The following HS1BP3 variants were observed in gnomAD, a reference collection of about 807,000 sequenced individuals.
HS1BP3 encodes HCLS1-binding protein 3.
Under a neutral mutation model 33.5 loss-of-function variants are expected in HS1BP3, and 32 were observed. The observed-to-expected ratio is 0.95, with a 90% confidence interval of 0.72 to 1.28. The LOEUF is 1.28. Ranked by LOEUF, HS1BP3 falls within the 50% of genes most tolerant of loss-of-function variation. The probability of loss-of-function intolerance (pLI) is 0.00; values close to 1 mark genes in which losing one functional copy is unlikely to be tolerated. For synonymous variants in HS1BP3, 187 were observed against 209.2 expected (o/e 0.89, Z 0.92); for missense variants, 486 against 502.3 (o/e 0.97, Z 0.31).
intron 2 of HS1BP3, among the ~76,000 whole-genome samples, chr2:20,612,444 G>C (rs6719474): frequency 0.18 from 28,137 of 152,104 alleles, 2,807 homozygotes; most frequent in Middle Eastern, 0.22. Context: ...TATCACCCTG[G>C]GAAAGATTCT....
At chr2:20,572,622 T>C (rs908853747) in intron 5 of HS1BP3, among the ~76,000 whole-genome samples, 1 of 152,140 alleles carries the variant, frequency 6.6e-6, no homozygotes, top group African/African-American at 2.4e-5. Flanking sequence ...AGAATTATTA[T>C]AAGGATTAAG....
downstream of HS1BP3, among the ~76,000 whole-genome samples, chr2:20,615,876 C>T (rs1052486336): frequency 3.3e-5 from 5 of 152,142 alleles, no homozygotes; most frequent in Admixed American, 2.0e-4. Flanking sequence ...TGAACTTAGT[C>T]CCAGATACAT....
At position 20,640,982 on chromosome 2, in the gene HS1BP3, C is replaced by G; in HGVS notation, c.397G>C (p.Glu133Gln). The G allele has an allele frequency of 6.2e-7, 1 of 1,614,172 alleles. No homozygotes were observed. Among genetic ancestry groups the G allele is most frequent in the Non-Finnish European group, 8.5e-7 (1 of 1,180,002 alleles). ...AELAGSPELLEFLGTRSPGAA... is the reference protein window; with the variant it reads ...AELAGSPELLQFLGTRSPGAA... ...GCAGAGCCTTGGGTACCTAAGAACT[C>G]TAGCAGCTCTGGGCTGCCTGCCAAC... The change falls in exon 3 of 7, where the codon GAG becomes CAG. Residue 133 changes from glutamate to glutamine, a missense_variant. By Grantham distance (29) the Glu-to-Gln change is conservative (BLOSUM62 2). Coordinates refer to ENST00000304031, the MANE Select transcript of HS1BP3 (RefSeq NM_022460.4).
At chr2:20,555,651 C>G (rs187513148), downstream of HS1BP3, among the ~76,000 whole-genome samples, 22 of 151,856 alleles carry the variant, frequency 1.4e-4, no homozygotes, top group Non-Finnish European at 2.8e-4. Context: ...TTGCTCCCCA[C>G]CCCCCTGCCT....
chr2:20,576,202 A>T (rs1326143801), intron 5 of HS1BP3, among the ~76,000 whole-genome samples: 1 of 152,160 alleles, frequency 6.6e-6, no homozygotes, highest in Non-Finnish European at 1.5e-5. Context: ...GCTGGTCCTG[A>T]ACTCCTAGGC....
At chr2:20,614,835 C>T (rs919670175), downstream of HS1BP3, among the ~76,000 whole-genome samples, 1 of 152,240 alleles carries the variant, frequency 6.6e-6, no homozygotes, top group Admixed American at 6.5e-5. Flanking sequence ...ACTTCAGAAG[C>T]TGTAGCTTTA....
intron 4 of HS1BP3, among the ~76,000 whole-genome samples, chr2:20,625,292 C>T (rs1179681004): frequency 6.6e-6 from 1 of 152,222 alleles, no homozygotes; most frequent in Non-Finnish European, 1.5e-5. Flanking sequence ...GGACCGGGCA[C>T]CAGCTGCCAG....
At chr2:20,571,439 GC>G (rs1383866257) in intron 5 of HS1BP3, among the ~76,000 whole-genome samples, 4 of 152,148 alleles carry the variant, frequency 2.6e-5, no homozygotes, top group Non-Finnish European at 1.5e-5. Flanking sequence ...CTCTCTTCCT[GC>G]CGAACACTCC....
At chr2:20,578,063 A>G (rs1253139064) in intron 5 of HS1BP3, among the ~76,000 whole-genome samples, 2 of 151,946 alleles carry the variant, frequency 1.3e-5, no homozygotes, top group African/African-American at 4.8e-5. Context: ...CCGGCTGGGG[A>G]CCTCTGGCAT....
chr2:20,594,273 C>G (rs1693895386), intron 3 of HS1BP3, among the ~76,000 whole-genome samples: 1 of 152,208 alleles, frequency 6.6e-6, no homozygotes, highest in African/African-American at 2.4e-5. Context: ...GGGTTAGATG[C>G]TTTGTGAGTG....
At chr2:20,628,751 G>T (rs1339117189) in intron 4 of HS1BP3, among the ~76,000 whole-genome samples, 1 of 152,206 alleles carries the variant, frequency 6.6e-6, no homozygotes, top group Non-Finnish European at 1.5e-5. Context: ...CTTGGAGGAG[G>T]TGATGTGGAG....
At chr2:20,622,577 G>A in intron 6 of HS1BP3, 1 of 323,460 alleles carries the variant, frequency 3.1e-6, no homozygotes, top group Non-Finnish European at 6.2e-6. Flanking sequence ...TTTGAAGATA[G>A]CCTTTGACCA....
chr2:20,566,898 A>T (rs150221374), intron 5 of HS1BP3, among the ~76,000 whole-genome samples: 321 of 152,166 alleles, frequency 2.1e-3, no homozygotes, highest in African/African-American at 6.3e-3. Context: ...TGAGCCACCA[A>T]GGCTGGCCCC....
chr2:20,591,074 T>C (rs1310937837), downstream of HS1BP3: 6 of 167,234 alleles, frequency 3.6e-5, no homozygotes, highest in East Asian at 9.7e-4. Flanking sequence ...CAGGCCAGGA[T>C]AGCAGGGCAG....
chr2:20,597,778 C>T (rs751480188), intron 3 of HS1BP3, among the ~76,000 whole-genome samples: 13 of 152,204 alleles, frequency 8.5e-5, no homozygotes, highest in Non-Finnish European at 1.3e-4. Flanking sequence ...AGATGGTTCT[C>T]ATAGAATGGG....
chr2:20,645,884 G>A (rs1695504151), intron 1 of HS1BP3, among the ~76,000 whole-genome samples: 2 of 152,236 alleles, frequency 1.3e-5, no homozygotes, highest in South Asian at 4.1e-4. Context: ...GGACAGCAAG[G>A]GATTGAAATC....
intron 2 of HS1BP3, chr2:20,606,395 G>C (rs957658882): frequency 1.9e-5 from 9 of 469,086 alleles, no homozygotes; most frequent in African/African-American, 1.6e-4. Flanking sequence ...GCTCCTGAAG[G>C]CTGCCCTGGC....
chr2:20,594,480 C>G (rs547410983), intron 3 of HS1BP3, among the ~76,000 whole-genome samples: 9 of 152,310 alleles, frequency 5.9e-5, no homozygotes, highest in African/African-American at 2.2e-4. Flanking sequence ...ATGGCTCCTT[C>G]CCTATGCTGG....
chr2:20,557,480 C>T (rs1225486317), downstream of HS1BP3, among the ~76,000 whole-genome samples: 1 of 152,164 alleles, frequency 6.6e-6, no homozygotes, highest in African/African-American at 2.4e-5. Flanking sequence ...TCAGTATAAT[C>T]CTCTTCCCAT....
Sources: gnomAD v4.1 joint callset for allele counts (sites outside exome capture counted in the v4.1 genomes callset) on GRCh38, gnomAD v4.1.1 for gene constraint, MANE v1.5 for transcripts, NCBI Gene and HGNC (gene_info 2026-07-23, HGNC 2026-07-21) for gene names.